Variants in RALYL observed in about 807,000 individuals in gnomAD.
RALYL encodes the protein RNA-binding Raly-like protein.
A neutral mutation model predicts 35.1 loss-of-function variants in RALYL; 29 were observed. The observed-to-expected ratio is 0.83, with a 90% CI of 0.61 to 1.13. The LOEUF (loss-of-function observed/expected upper bound fraction) is 1.13. Among genes scored for constraint, RALYL ranks in the 50% most tolerant of loss-of-function variants. The pLI, the probability that RALYL is intolerant of heterozygous loss-of-function variation, is 0.00. For missense variants in RALYL, 359 were observed against 360.4 expected, an observed-to-expected ratio of 1.00 and a Z score of 0.03; for synonymous variants, 120 against 127.6, an observed-to-expected ratio of 0.94 and a Z score of 0.40.
At chr8:84,719,592 T>C (rs1843520976) in intron 2 of RALYL, among the ~76,000 whole-genome samples, 1 of 152,170 alleles carries the variant, frequency 6.6e-6, no homozygotes, top group Non-Finnish European at 1.5e-5. Context: ...CAAGCCCTAT[T>C]GTTGTACTAA....
chr8:84,450,820 A>G (rs916927521), intron 1 of RALYL, among the ~76,000 whole-genome samples: 1 of 152,034 alleles, frequency 6.6e-6, no homozygotes, highest in African/African-American at 2.4e-5. Context: ...ATTTTCAAAA[A>G]GATTCCATCA....
intron 2 of RALYL, chr8:84,705,864 TG>T: frequency 7.1e-7 from 1 of 1,406,768 alleles, no homozygotes. Flanking sequence ...GCATCTCCCC[TG>T]TAATTTTATG....
chr8:84,841,073 A>C (rs1833191564), intron 4 of RALYL, among the ~76,000 whole-genome samples: 2 of 152,190 alleles, frequency 1.3e-5, no homozygotes, highest in South Asian at 2.1e-4. Flanking sequence ...TGAGCAAAAT[A>C]ACCAGCTAAC....
At chr8:84,446,241 C>T (rs1418098094) in intron 1 of RALYL, among the ~76,000 whole-genome samples, 2 of 151,750 alleles carry the variant, frequency 1.3e-5, no homozygotes, top group Non-Finnish European at 2.9e-5. Flanking sequence ...AAGTAGCATA[C>T]ATATTGAACT....
intron 1 of RALYL, among the ~76,000 whole-genome samples, chr8:84,331,917 A>G (rs1018488895): frequency 7.2e-5 from 11 of 152,128 alleles, no homozygotes; most frequent in Non-Finnish European, 1.0e-4. Context: ...TCTGTAATGT[A>G]TTATAGTAAA....
chr8:84,450,069 GA>G (rs1443446570), intron 1 of RALYL, among the ~76,000 whole-genome samples: 1 of 151,730 alleles, frequency 6.6e-6, no homozygotes, highest in Non-Finnish European at 1.5e-5. Flanking sequence ...AAATATATAT[GA>G]AAAGTTCTAT....
At chr8:84,294,551 T>C (rs1839393756) in intron 1 of RALYL, among the ~76,000 whole-genome samples, 1 of 152,064 alleles carries the variant, frequency 6.6e-6, no homozygotes, top group Admixed American at 6.6e-5. Context: ...ATGCTATCAA[T>C]TCATTATTCT....
At chr8:84,742,325 G>A (rs1473546419) in intron 2 of RALYL, among the ~76,000 whole-genome samples, 1 of 151,678 alleles carries the variant, frequency 6.6e-6, no homozygotes, top group African/African-American at 2.4e-5. Flanking sequence ...TCAAAACTAT[G>A]GTTAAATTTG....
At chr8:84,553,303 A>G (rs2060879667) in intron 2 of RALYL, among the ~76,000 whole-genome samples, 1 of 152,120 alleles carries the variant, frequency 6.6e-6, no homozygotes, top group African/African-American at 2.4e-5. Flanking sequence ...TTGGGACTAC[A>G]GGCACACACT....
chr8:84,910,358 A>G (rs1239228796), intron 8 of RALYL, among the ~76,000 whole-genome samples: 1 of 152,110 alleles, frequency 6.6e-6, no homozygotes, highest in East Asian at 1.9e-4. Flanking sequence ...CATACTATCA[A>G]AGTCTTGGGC....
chr8:84,734,765 G>A (rs372462747), intron 2 of RALYL, among the ~76,000 whole-genome samples: 5 of 152,058 alleles, frequency 3.3e-5, no homozygotes, highest in East Asian at 3.9e-4. Context: ...GAATTCTGAC[G>A]CTACAGATAA....
intron 1 of RALYL, among the ~76,000 whole-genome samples, chr8:84,523,754 G>A (rs1416568258): frequency 6.8e-6 from 1 of 147,354 alleles, no homozygotes; most frequent in Non-Finnish European, 1.5e-5. Context: ...CTGTGAGTTA[G>A]AATATGCGGT....
At chr8:84,541,674 A>T (rs1588082429) in intron 2 of RALYL, among the ~76,000 whole-genome samples, 2 of 151,986 alleles carry the variant, frequency 1.3e-5, no homozygotes, top group Admixed American at 1.3e-4. Context: ...GTGAATTACG[A>T]TTATGGATCT....
chr8:84,870,725 T>C (rs969894239), intron 6 of RALYL, among the ~76,000 whole-genome samples: 3 of 152,004 alleles, frequency 2.0e-5, no homozygotes, highest in East Asian at 3.9e-4. Context: ...GAAAGAGCAG[T>C]ACATGAGAGA....
rs940963439 is a variant in RALYL, at chr8:84,195,418, G to T, written c.-24+10994G>T. On this transcript the variant is annotated intron_variant, in intron 1 of 8. Transcript: ENST00000521268. ...TCGCACCATTGCACTCCAGCCCAGCGACAGAGCGAGACTCCATCTCAAAAA... is the reference window on the plus strand; with the variant it reads ...TCGCACCATTGCACTCCAGCCCAGCTACAGAGCGAGACTCCATCTCAAAAA... Among the ~76,000 whole-genome samples, 8 of 152,000 alleles carry T rather than the reference G, an allele frequency of 5.3e-5. 1 individual carries two copies. The highest frequency in any genetic ancestry group is 5.2e-4 in the Admixed American group (8 of 15,264).
intron 1 of RALYL, among the ~76,000 whole-genome samples, chr8:84,277,833 G>A (rs1209835986): frequency 6.6e-6 from 1 of 152,252 alleles, no homozygotes; most frequent in Non-Finnish European, 1.5e-5. Flanking sequence ...CATTCCCACA[G>A]CATTGGGCAG....
intron 2 of RALYL, among the ~76,000 whole-genome samples, chr8:84,539,892 G>GTT (rs1160392630): frequency 7.4e-6 from 1 of 135,730 alleles, no homozygotes; most frequent in Non-Finnish European, 1.6e-5. Flanking sequence ...ATATATGTGT[G>GTT]TGTGTGTGTG....
At chr8:84,709,076 G>A (rs1021048674) in intron 2 of RALYL, among the ~76,000 whole-genome samples, 3 of 152,132 alleles carry the variant, frequency 2.0e-5, no homozygotes, top group Admixed American at 6.6e-5. Flanking sequence ...GATCACTTCA[G>A]AAATCTAAAT....
chr8:84,682,086 T>A (rs1347330290), intron 2 of RALYL, among the ~76,000 whole-genome samples: 1 of 152,214 alleles, frequency 6.6e-6, no homozygotes. Flanking sequence ...TTTCTGCATC[T>A]ATTGAGATGA....
Sources: allele counts gnomAD v4.1 joint callset (sites outside exome capture counted in the v4.1 genomes callset), GRCh38; gene constraint gnomAD v4.1.1; transcripts MANE v1.5; gene names NCBI Gene and HGNC (gene_info 2026-07-23, HGNC 2026-07-21).